The following HDAC9 variants were observed in gnomAD, a reference collection of about 807,000 sequenced individuals.
The protein encoded by HDAC9 is histone deacetylase 9.
Under a neutral mutation model 139.4 loss-of-function variants are expected in HDAC9, and 41 were observed. The ratio of observed to expected loss-of-function variants is 0.29; its 90% CI spans 0.23 to 0.38. The LOEUF is 0.38. Among genes scored for constraint, HDAC9 ranks in the 10% least tolerant of loss-of-function variants. The probability of loss-of-function intolerance (pLI) is 1.00; values close to 1 mark genes in which losing one functional copy is unlikely to be tolerated. For synonymous variants in HDAC9, 517 were observed against 476.2 expected (o/e 1.09, Z -1.12); for missense variants, 1,147 against 1,297.0 (o/e 0.88, Z 1.78).
At chr7:18,101,485 C>T (rs1197712954) in intron 1 of HDAC9, among the ~76,000 whole-genome samples, 1 of 152,204 alleles carries the variant, frequency 6.6e-6, no homozygotes, top group Non-Finnish European at 1.5e-5. Context: ...CCCTCTTACT[C>T]AGTCTTCTTT....
At chr7:18,505,537 A>C (rs2128169370) in intron 2 of HDAC9, among the ~76,000 whole-genome samples, 1 of 152,302 alleles carries the variant, frequency 6.6e-6, no homozygotes, top group East Asian at 1.9e-4. Flanking sequence ...AATTTAGGTG[A>C]AAACTGGATG....
chr7:18,569,003 C>T (rs1487036659), intron 2 of HDAC9, among the ~76,000 whole-genome samples: 2 of 151,976 alleles, frequency 1.3e-5, no homozygotes, highest in African/African-American at 2.4e-5. Flanking sequence ...GCCGAGATCA[C>T]GCCATTGCAC....
chr7:18,958,521 ATAT>A (rs1170799122), intron 24 of HDAC9, among the ~76,000 whole-genome samples: 1 of 152,176 alleles, frequency 6.6e-6, no homozygotes, highest in East Asian at 1.9e-4. Context: ...ATAAAGTAGA[ATAT>A]TATTCAGACC....
chr7:18,822,822 C>A lies in HDAC9; in HGVS notation c.2323-6339C>A, dbSNP rs577582754. Among the ~76,000 whole-genome samples the A allele has an allele frequency of 2.0e-5, 3 of 152,240 alleles. No homozygotes were observed. In the South Asian group the frequency reaches 6.2e-4, roughly 32 times the overall value. ...TCATCTTTCTGTGCCTCAATTTCTT[C>A]ATTTGTGAAATGGGGATAATAATAT... On this transcript the variant is annotated intron_variant, in intron 17 of 25. Coordinates refer to ENST00000686413, the MANE Select transcript of HDAC9 (RefSeq NM_178425.4).
At chr7:18,993,644 T>A (rs1028799884) in intron 25 of HDAC9, among the ~76,000 whole-genome samples, 58 of 151,662 alleles carry the variant, frequency 3.8e-4, no homozygotes, top group East Asian at 1.9e-4. Context: ...TATAATTATT[T>A]TTTTTTTAAT....
chr7:18,718,639 A>G (rs1270520235), intron 12 of HDAC9, among the ~76,000 whole-genome samples: 1 of 152,138 alleles, frequency 6.6e-6, no homozygotes, highest in Admixed American at 6.5e-5. Flanking sequence ...ATTCTATTTT[A>G]TGGATAAAGC....
intron 1 of HDAC9, among the ~76,000 whole-genome samples, chr7:18,102,811 A>G (rs1782936255): frequency 6.6e-6 from 1 of 152,224 alleles, no homozygotes; most frequent in Non-Finnish European, 1.5e-5. Flanking sequence ...CAAGTAGGCC[A>G]TTAAAGGACG....
intron 17 of HDAC9, among the ~76,000 whole-genome samples, chr7:18,797,530 T>A (rs1482258680): frequency 6.6e-6 from 1 of 152,160 alleles, no homozygotes; most frequent in African/African-American, 2.4e-5. Context: ...TAATCTATTA[T>A]ATTTTTTTAA....
intron 2 of HDAC9, among the ~76,000 whole-genome samples, chr7:18,275,349 T>C (rs904245059): frequency 6.6e-6 from 1 of 152,222 alleles, no homozygotes; most frequent in East Asian, 1.9e-4. Flanking sequence ...AGCTTCCTAA[T>C]TGGCCTCTCA....
intron 12 of HDAC9, among the ~76,000 whole-genome samples, chr7:18,719,693 G>A (rs558071367): frequency 7.3e-5 from 11 of 151,616 alleles, no homozygotes; most frequent in Admixed American, 1.3e-4. Context: ...GGTCTTATAC[G>A]CAAAAAAAGT....
At chr7:18,144,847 T>G (rs924869709) in intron 1 of HDAC9, among the ~76,000 whole-genome samples, 1 of 152,208 alleles carries the variant, frequency 6.6e-6, no homozygotes, top group African/African-American at 2.4e-5. Context: ...CCCTGTACCT[T>G]TTCTTCTAAC....
chr7:18,426,605 A>C (rs1040290663), intron 1 of HDAC9, among the ~76,000 whole-genome samples: 1 of 152,198 alleles, frequency 6.6e-6, no homozygotes, highest in African/African-American at 2.4e-5. Context: ...GAAAATGACT[A>C]CCTCAGGCAT....
intron 2 of HDAC9, among the ~76,000 whole-genome samples, chr7:18,171,626 A>T (rs1305638186): frequency 6.6e-6 from 1 of 152,056 alleles, no homozygotes; most frequent in Non-Finnish European, 1.5e-5. Context: ...TTCCATCGAT[A>T]CCTAGTTTAT....
intron 12 of HDAC9, among the ~76,000 whole-genome samples, chr7:18,679,284 C>T (rs1488057359): frequency 6.6e-6 from 1 of 151,866 alleles, no homozygotes. Flanking sequence ...GAGGGAACAA[C>T]CATTAACAAT....
intron 22 of HDAC9, among the ~76,000 whole-genome samples, chr7:18,914,904 C>T (rs1803052454): frequency 6.6e-6 from 1 of 151,968 alleles, no homozygotes; most frequent in South Asian, 2.1e-4. Context: ...GAATACTTTA[C>T]ATAATACAAC....
At chr7:18,591,453 C>G in intron 4 of HDAC9, 63 bp from the exon 5 acceptor site, 1 of 1,482,784 alleles carries the variant, frequency 6.7e-7, no homozygotes, top group African/African-American at 1.4e-5. Flanking sequence ...AACTCACCAT[C>G]AACATCTGTT....
At chr7:18,168,316 T>A (rs1788141476) in intron 2 of HDAC9, among the ~76,000 whole-genome samples, 1 of 152,212 alleles carries the variant, frequency 6.6e-6, no homozygotes, top group Non-Finnish European at 1.5e-5. Flanking sequence ...GTTTTAAGTA[T>A]TATGATGAAA....
At chr7:18,297,946 C>G (rs1798259747) in intron 1 of HDAC9, among the ~76,000 whole-genome samples, 1 of 152,232 alleles carries the variant, frequency 6.6e-6, no homozygotes, top group Non-Finnish European at 1.5e-5. Flanking sequence ...GGGGATTTCA[C>G]TCTGCCCTTT....
chr7:18,495,850 G>C lies in HDAC9; in HGVS notation c.-215G>C. The C allele has an allele frequency of 9.4e-7, 1 of 1,058,644 alleles. No homozygotes were observed. The highest frequency in any genetic ancestry group is 4.4e-5 in the South Asian group (1 of 22,958). 65.6% of individuals were successfully genotyped at this position (1,058,644 alleles called of 1,614,324 possible). Reference sequence around the variant, plus strand: ...ACCCTAGCAGCCTGAAGAACTCTAAGCCAGGTTTAATTGGTTTCTTTTTCT... The same window carrying C: ...ACCCTAGCAGCCTGAAGAACTCTAACCCAGGTTTAATTGGTTTCTTTTTCT... On this transcript the variant is annotated 5_prime_UTR_variant, in exon 1 of 26. Coordinates refer to ENST00000686413, the MANE Select transcript of HDAC9 (RefSeq NM_178425.4).
Sources: allele counts gnomAD v4.1 joint callset (sites outside exome capture counted in the v4.1 genomes callset), GRCh38; gene constraint gnomAD v4.1.1; transcripts MANE v1.5; gene names NCBI Gene and HGNC (gene_info 2026-07-23, HGNC 2026-07-21).